UBE2B: variants seen among roughly 807,000 people sequenced by gnomAD.
UBE2B encodes ubiquitin conjugating enzyme E2 B, also known as ubiquitin-conjugating enzyme E2 B.
A neutral mutation model predicts 24.6 loss-of-function variants in UBE2B; 11 were observed. The ratio of observed to expected loss-of-function variants is 0.45; its 90% CI spans 0.28 to 0.74. The LOEUF is 0.74. Ranked by LOEUF, UBE2B falls within the 30% of genes least tolerant of loss-of-function variation. The pLI is 0.13. For synonymous variants in UBE2B, 68 were observed against 62.4 expected, an observed-to-expected ratio of 1.09 and a Z score of -0.42; for missense variants, 78 against 185.6, an observed-to-expected ratio of 0.42 and a Z score of 3.37.
chr5:134,386,881 A>G (rs752981217), intron 4 of UBE2B, among the ~76,000 whole-genome samples: 5 of 150,996 alleles, frequency 3.3e-5, no homozygotes, highest in Non-Finnish European at 5.9e-5. Flanking sequence ...TTGTGTTGCT[A>G]TTGCTTATAT....
chr5:134,386,991 G>A lies in UBE2B; in HGVS notation c.242-1334G>A, dbSNP rs1351592004. On this transcript the variant is annotated intron_variant, in intron 4 of 5. Coordinates refer to ENST00000265339, the MANE Select transcript of UBE2B (RefSeq NM_003337.4). The stretch of plus-strand genomic sequence containing the variant: ...TTTTTTTTTTTTAAGATAGAGTCTC[G>A]CTCTGTCGCCCAGGCTGGAGTGCAG... Among the ~76,000 whole-genome samples the A allele has an allele frequency of 6.9e-5, 10 of 144,806 alleles. No individual in the cohort carries two copies. In the Admixed American group the frequency reaches 7.1e-4, roughly 10 times the overall value. The allele number at this position is 144,806 out of a possible 152,430, so 95.0% of individuals were successfully genotyped here.
chr5:134,371,584 CA>C lies in UBE2B; in HGVS notation c.-11del, dbSNP rs747526374. The C allele has an allele frequency of 6.2e-7, 1 of 1,612,206 alleles. No individual in the cohort carries two copies. The highest frequency in any genetic ancestry group is 1.1e-5 in the South Asian group (1 of 91,044). ...TTTTTTTTTCAGACTGACCGCGGGG[CA>C]GCTGCGGAGCATGTCGACCCCGGCC... On this transcript the variant is annotated 5_prime_UTR_variant, in exon 1 of 6. Transcript: ENST00000265339.
intron 4 of UBE2B, among the ~76,000 whole-genome samples, chr5:134,384,639 T>G (rs1758766939): frequency 6.6e-6 from 1 of 152,204 alleles, no homozygotes; most frequent in African/African-American, 2.4e-5. Flanking sequence ...TGGTTTCCCT[T>G]TTATTCTGCT....
At position 134,374,482 on chromosome 5, in the gene UBE2B, C is replaced by G; in HGVS notation, c.125+19C>G. On this transcript the variant is annotated intron_variant, in intron 2 of 5. Transcript: ENST00000265339. ...TATTTGGGTGAGTTGAAAGGTTTAA[C>G]AAATAATAGGTGTGTGCTGAATCTT... 6.5e-7 allele frequency: 1 copy of G among 1,550,364 alleles called. No homozygotes were observed. The highest frequency in any genetic ancestry group is 8.7e-7 in the Non-Finnish European group (1 of 1,146,126).
At chr5:134,372,743 C>G (rs767024459) in intron 1 of UBE2B, among the ~76,000 whole-genome samples, 24 of 152,042 alleles carry the variant, frequency 1.6e-4, no homozygotes, top group Non-Finnish European at 3.4e-4. Flanking sequence ...TCGTGGTGGC[C>G]TAATTTGCTT....
chr5:134,373,183 C>A (rs1196503080), intron 1 of UBE2B, among the ~76,000 whole-genome samples: 1 of 152,164 alleles, frequency 6.6e-6, no homozygotes, highest in Non-Finnish European at 1.5e-5. Flanking sequence ...TGGCAGAAAA[C>A]CTACTAATTA....
In UBE2B at chr5:134,385,980, T is replaced by C. The variant is rs1333882990; in HGVS notation, c.242-2345T>C. ...GTGAGCCGAGATCACGCCACTGCACTCCAGCCTGGGTGACAGAGCGAGACT... is the reference window on the plus strand; with the variant it reads ...GTGAGCCGAGATCACGCCACTGCACCCCAGCCTGGGTGACAGAGCGAGACT... On this transcript the variant is annotated intron_variant, in intron 4 of 5. Coordinates refer to ENST00000265339, the MANE Select transcript of UBE2B (RefSeq NM_003337.4). 2.0e-5 allele frequency among the ~76,000 whole-genome samples: 3 copies of C among 149,686 alleles called. No individual in the cohort carries two copies. The Admixed American group carries it at 2.0e-4, about 10-fold the overall frequency.
intron 5 of UBE2B, chr5:134,389,116 T>TA: frequency 4.5e-6 from 1 of 222,902 alleles, no homozygotes; most frequent in East Asian, 1.6e-4. Flanking sequence ...CACGCCTGGC[T>TA]AAGTTTTTGT....
rs1758695555 is a variant in UBE2B, at chr5:134,380,785, T to C, written c.218T>C (p.Leu73Ser). The C allele has an allele frequency of 6.3e-7, 1 of 1,595,758 alleles. No individual in the cohort carries two copies. The highest frequency in any genetic ancestry group is 8.6e-7 in the Non-Finnish European group (1 of 1,164,076). Residue 73 changes from leucine (L) to serine (S), a missense_variant, in exon 4 of 6, where the codon TTA (leucine) becomes TCA (serine). This residue lies in a region of UBE2B where 57 missense variants were observed against 167.7 expected (regional missense o/e 0.34). Coordinates refer to ENST00000265339, the MANE Select transcript of UBE2B (RefSeq NM_003337.4). ...AATAAACCACCAACTGTTAGGTTTT[T>C]ATCCAAAATGTTTCATCCAAATGGT... is the stretch of plus-strand genomic sequence containing the variant. Reference protein sequence around the residue: ...YPNKPPTVRFLSKMFHPNVYA... With the variant: ...YPNKPPTVRFSSKMFHPNVYA...
chr5:134,387,540 T>C (rs1758827148), intron 4 of UBE2B, among the ~76,000 whole-genome samples: 1 of 152,204 alleles, frequency 6.6e-6, no homozygotes, highest in Non-Finnish European at 1.5e-5. Flanking sequence ...TTGTAAATAA[T>C]AGTAGTTTGT....
At chr5:134,387,937 G>A (rs1456266961) in intron 4 of UBE2B, among the ~76,000 whole-genome samples, 1 of 152,076 alleles carries the variant, frequency 6.6e-6, no homozygotes, top group African/African-American at 2.4e-5. Context: ...CAAGTAGCTG[G>A]GATTACAGGC....
At chr5:134,385,273 A>G (rs1186205257) in intron 4 of UBE2B, among the ~76,000 whole-genome samples, 1 of 152,190 alleles carries the variant, frequency 6.6e-6, no homozygotes, top group African/African-American at 2.4e-5. Flanking sequence ...AGATAGATCT[A>G]GGCTAAGGCC....
Position 134,390,114 on chromosome 5 carries a change from C to T in UBE2B, c.331-111C>T. The T allele has an allele frequency of 1.5e-6, 2 of 1,316,894 alleles. No individual in the cohort carries two copies. The highest frequency in any genetic ancestry group is 2.1e-6 in the Non-Finnish European group (2 of 934,612). 81.6% of individuals were successfully genotyped at this position (1,316,894 alleles called of 1,614,324 possible). A position where few individuals can be genotyped will look rare whatever the true frequency, so the allele number is the denominator to read the frequency against. On this transcript the variant is annotated intron_variant, in intron 5 of 5. Transcript: ENST00000265339. The surrounding 1 kb of genome is among the most constrained non-coding windows in gnomAD (Gnocchi z 4.6). ...CCAAAATTATATGACATGTTAATCT[C>T]TGAAGTAATTTGTTGTTTTGTATAA...
At chr5:134,377,745 T>G (rs1010407666) in intron 3 of UBE2B, among the ~76,000 whole-genome samples, 1 of 152,124 alleles carries the variant, frequency 6.6e-6, no homozygotes, top group Admixed American at 6.5e-5. Context: ...TACGATCAAA[T>G]CTCATCATAC....
intron 4 of UBE2B, among the ~76,000 whole-genome samples, chr5:134,383,709 C>T (rs1758749669): frequency 6.6e-6 from 1 of 152,078 alleles, no homozygotes; most frequent in African/African-American, 2.4e-5. Context: ...GATCCGCCTG[C>T]CTTGGCCTCC....
chr5:134,371,763 C>T (rs1758434356), intron 1 of UBE2B, 124 bp downstream of exon 1: 2 of 1,443,918 alleles, frequency 1.4e-6, no homozygotes, highest in South Asian at 1.2e-5. Flanking sequence ...GCGGGACTGG[C>T]GGAAGCCGGG....
intron 1 of UBE2B, among the ~76,000 whole-genome samples, chr5:134,372,670 C>T (rs906161974): frequency 6.6e-6 from 1 of 152,120 alleles, no homozygotes; most frequent in Non-Finnish European, 1.5e-5. Context: ...TTAATTCATT[C>T]GTAGCTTCTC....
At chr5:134,373,953 A>G (rs530683186) in intron 1 of UBE2B, among the ~76,000 whole-genome samples, 1 of 152,184 alleles carries the variant, frequency 6.6e-6, no homozygotes, top group African/African-American at 2.4e-5. Context: ...ATACGTGTGC[A>G]TGTGTCTTTA....
At chr5:134,378,358 C>CA (rs1581321385) in intron 3 of UBE2B, among the ~76,000 whole-genome samples, 1 of 152,084 alleles carries the variant, frequency 6.6e-6, no homozygotes, top group East Asian at 1.9e-4. Context: ...CTCCGAGGTT[C>CA]AAGTGATTCT....
Sources: allele counts gnomAD v4.1 joint callset (sites outside exome capture counted in the v4.1 genomes callset), GRCh38; gene constraint gnomAD v4.1.1; regional missense constraint gnomAD v4.1.1; non-coding constraint Gnocchi (gnomAD v3.1); transcripts MANE v1.5; gene names NCBI Gene and HGNC (gene_info 2026-07-23, HGNC 2026-07-21).